Variants in AAK1 observed in about 807,000 individuals in gnomAD.
The protein encoded by AAK1 is AP2-associated protein kinase 1.
Under a neutral mutation model 116.0 loss-of-function variants are expected in AAK1, and 37 were observed. That is an observed-to-expected ratio of 0.32 (90% CI 0.25 to 0.42). The LOEUF (loss-of-function observed/expected upper bound fraction) is 0.42, where lower values mean the gene tolerates loss of function less well. AAK1 is among the 10% of genes least tolerant of loss of function. AAK1 has a pLI of 1.00. For missense variants in AAK1, 919 were observed against 1,170.6 expected, an observed-to-expected ratio of 0.79 and a Z score of 3.14; for synonymous variants, 458 against 439.9, an observed-to-expected ratio of 1.04 and a Z score of -0.51.
chr2:69,621,650 A>C (rs1358375298), intron 2 of AAK1, among the ~76,000 whole-genome samples: 1 of 152,208 alleles, frequency 6.6e-6, no homozygotes, highest in Non-Finnish European at 1.5e-5. Flanking sequence ...GTTATACAGC[A>C]ATAGATGACT....
chr2:69,630,095 G>T (rs1044049324), intron 2 of AAK1, among the ~76,000 whole-genome samples: 6 of 152,116 alleles, frequency 3.9e-5, no homozygotes, highest in Non-Finnish European at 8.8e-5. Flanking sequence ...GGTGGAAGCA[G>T]CAGACCTGCG....
chr2:69,491,678 A>G (rs535099191), intron 17 of AAK1, among the ~76,000 whole-genome samples: 4 of 152,298 alleles, frequency 2.6e-5, no homozygotes, highest in African/African-American at 9.6e-5. Flanking sequence ...ATAGGGATGT[A>G]GAACCAAAGT....
At chr2:69,604,073 C>T (rs1673694712) in intron 2 of AAK1, among the ~76,000 whole-genome samples, 1 of 152,192 alleles carries the variant, frequency 6.6e-6, no homozygotes, top group Non-Finnish European at 1.5e-5. Flanking sequence ...GATCTCATCC[C>T]TTCAGAACAA....
chr2:69,566,598 C>G (rs1671881165), intron 2 of AAK1, among the ~76,000 whole-genome samples: 3 of 152,154 alleles, frequency 2.0e-5, no homozygotes, highest in Non-Finnish European at 4.4e-5. Flanking sequence ...GAACATGGCA[C>G]ACTGGCCTGG....
At chr2:69,498,850 G>C (rs67325097) in intron 16 of AAK1, among the ~76,000 whole-genome samples, 19,561 of 152,278 alleles carry the variant, frequency 0.13, 1,462 homozygotes, top group Non-Finnish European at 0.16. Context: ...GTGGTGGCAT[G>C]TGTGATGCTT....
intron 20 of AAK1, among the ~76,000 whole-genome samples, chr2:69,478,088 A>G (rs1426917505): frequency 6.6e-6 from 1 of 152,264 alleles, no homozygotes; most frequent in South Asian, 2.1e-4. Context: ...AGAGAAATCC[A>G]GTAACCAATC....
chr2:69,544,414 A>C lies in AAK1; in HGVS notation c.391+22T>G, dbSNP rs928425436. 17 of 1,556,868 alleles carry C rather than the reference A, an allele frequency of 1.1e-5. No homozygotes were observed. In the African/African-American group the frequency reaches 2.3e-4, roughly 21 times the overall value. On this transcript the variant is annotated intron_variant, in intron 4 of 21. Coordinates refer to ENST00000409085, the MANE Select transcript of AAK1 (RefSeq NM_014911.5). ...AAAATGCTAGAGAAATGACAGCTTA[A>C]GGGAATGGTTCATATACATACCTCT...
intron 2 of AAK1, among the ~76,000 whole-genome samples, chr2:69,565,956 G>A (rs1671847986): frequency 6.6e-6 from 1 of 151,984 alleles, no homozygotes; most frequent in Non-Finnish European, 1.5e-5. Flanking sequence ...TCTCCACAGT[G>A]AGAGTTCGGG....
intron 17 of AAK1, 53 bp downstream of exon 17, chr2:69,495,932 C>T: frequency 6.9e-7 from 1 of 1,448,804 alleles, no homozygotes. Context: ...TTCTACAAGG[C>T]CTGGGACATG....
At position 69,483,864 on chromosome 2, in the gene AAK1, A is replaced by T. The variant is rs1253696071; in HGVS notation, c.2366-1052T>A. ...CACACCTGGTAACTTAATGTTTGAC[A>T]ATGTGTGCACATTTGGATTCCTTCC... On this transcript the variant is annotated intron_variant, in intron 17 of 21. Transcript: ENST00000409085. 3.9e-5 allele frequency among the ~76,000 whole-genome samples: 6 copies of T among 152,240 alleles called. No homozygotes were observed. The South Asian group carries it at 1.0e-3, about 26-fold the overall frequency.
intron 2 of AAK1, among the ~76,000 whole-genome samples, chr2:69,620,239 GAGT>G (rs1674538432): frequency 6.6e-6 from 1 of 152,168 alleles, no homozygotes; most frequent in Admixed American, 6.5e-5. Flanking sequence ...TTTTTGGCCT[GAGT>G]ATCTAAAAGA....
chr2:69,637,975 T>A (rs190885256), intron 2 of AAK1, among the ~76,000 whole-genome samples: 26 of 152,328 alleles, frequency 1.7e-4, no homozygotes, highest in African/African-American at 6.3e-4. Flanking sequence ...ACCATGGCAA[T>A]TGCTTATTCT....
At chr2:69,624,309 AATAAC>A (rs1479463063) in intron 2 of AAK1, among the ~76,000 whole-genome samples, 4 of 152,236 alleles carry the variant, frequency 2.6e-5, no homozygotes, top group African/African-American at 9.6e-5. Flanking sequence ...ATATCTATAA[AATAAC>A]ATAAATGTCT....
chr2:69,464,824 T>A lies in AAK1; in HGVS notation c.*11045A>T, dbSNP rs1272828943. The A allele has an allele frequency of 6.5e-6, 1 of 153,182 alleles. No homozygotes were observed. The highest frequency in any genetic ancestry group is 1.5e-5 in the Non-Finnish European group (1 of 68,800). 9.5% of individuals were successfully genotyped at this position (153,182 alleles called of 1,614,324 possible). ...AGTCATGCACGAGAGCCAGCCTGGC[T>A]TGCACACAGACTGAGAATCAGATCT... is the stretch of plus-strand genomic sequence containing the variant. On this transcript the variant is annotated 3_prime_UTR_variant, in exon 22 of 22. Coordinates refer to ENST00000409085, the MANE Select transcript of AAK1 (RefSeq NM_014911.5).
intron 2 of AAK1, among the ~76,000 whole-genome samples, chr2:69,594,412 G>A (rs760604088): frequency 1.3e-5 from 2 of 152,254 alleles, no homozygotes; most frequent in African/African-American, 4.8e-5. Flanking sequence ...TCATGTTATC[G>A]TGAGGATAAC....
intron 13 of AAK1, among the ~76,000 whole-genome samples, chr2:69,510,528 A>G (rs1456632259): frequency 1.3e-5 from 2 of 152,190 alleles, no homozygotes; most frequent in African/African-American, 4.8e-5. Context: ...ATGTGTCTTT[A>G]TGGCAGAACA....
At chr2:69,554,655 GAAAA>G (rs138421581) in intron 3 of AAK1, among the ~76,000 whole-genome samples, 1,678 of 152,206 alleles carry the variant, frequency 0.011, 15 homozygotes, top group Non-Finnish European at 0.017. Flanking sequence ...TAAAATGGAA[GAAAA>G]ATCAAGAACT....
At chr2:69,495,629 T>C (rs1443880036) in intron 17 of AAK1, among the ~76,000 whole-genome samples, 6 of 152,214 alleles carry the variant, frequency 3.9e-5, no homozygotes, top group Admixed American at 3.9e-4. Context: ...TTGATCACTT[T>C]ATCATGTGCT....
chr2:69,557,327 G>C (rs1306664042), intron 2 of AAK1, among the ~76,000 whole-genome samples: 5 of 149,512 alleles, frequency 3.3e-5, no homozygotes, highest in Non-Finnish European at 7.4e-5. Flanking sequence ...TTTGAGACAG[G>C]GTTTCCCTCT....
Sources: allele counts gnomAD v4.1 joint callset (sites outside exome capture counted in the v4.1 genomes callset), GRCh38; gene constraint gnomAD v4.1.1; transcripts MANE v1.5; gene names NCBI Gene and HGNC (gene_info 2026-07-23, HGNC 2026-07-21).